MSRA: variants seen among roughly 807,000 people sequenced by gnomAD.
MSRA encodes mitochondrial peptide methionine sulfoxide reductase.
A neutral mutation model predicts 31.3 loss-of-function variants in MSRA; 54 were observed. That is an observed-to-expected ratio of 1.73 (90% CI 1.39 to 2.17). MSRA has a LOEUF of 2.17. MSRA is among the 30% of genes most tolerant of loss of function. The pLI is 0.00. For synonymous variants in MSRA, 169 were observed against 116.5 expected, an observed-to-expected ratio of 1.45 and a Z score of -2.90; for missense variants, 507 against 300.9, an observed-to-expected ratio of 1.69 and a Z score of -5.07.
At chr8:10,312,009 T>G (rs763442807) in intron 4 of MSRA, among the ~76,000 whole-genome samples, 1 of 152,202 alleles carries the variant, frequency 6.6e-6, no homozygotes, top group Non-Finnish European at 1.5e-5. Context: ...AAATACTGTA[T>G]GTTAAAATCG....
intron 5 of MSRA, among the ~76,000 whole-genome samples, chr8:10,365,334 T>G (rs926751035): frequency 6.6e-6 from 1 of 152,106 alleles, no homozygotes; most frequent in African/African-American, 2.4e-5. Context: ...ACTTCCAACA[T>G]ACCATACCAG....
At chr8:10,203,257 A>G (rs1335078192) in intron 1 of MSRA, among the ~76,000 whole-genome samples, 1 of 152,142 alleles carries the variant, frequency 6.6e-6, no homozygotes, top group Admixed American at 6.6e-5. Flanking sequence ...GACTAGGTAA[A>G]TGGGAAAGGG....
intron 5 of MSRA, among the ~76,000 whole-genome samples, chr8:10,335,910 A>G (rs1271189646): frequency 6.6e-6 from 1 of 152,182 alleles, no homozygotes; most frequent in Non-Finnish European, 1.5e-5. Context: ...ACTTGAGACC[A>G]CATGATACGT....
chr8:10,237,511 A>G (rs1812046162), intron 2 of MSRA, among the ~76,000 whole-genome samples: 1 of 152,258 alleles, frequency 6.6e-6, no homozygotes, highest in Non-Finnish European at 1.5e-5. Flanking sequence ...ATTTTAAAGG[A>G]TATGTTATGG....
At chr8:10,365,325 C>T (rs1194618188) in intron 5 of MSRA, among the ~76,000 whole-genome samples, 1 of 152,150 alleles carries the variant, frequency 6.6e-6, no homozygotes, top group Non-Finnish European at 1.5e-5. Context: ...CTGCTCTGAA[C>T]TTCCAACATA....
intron 2 of MSRA, among the ~76,000 whole-genome samples, chr8:10,228,652 G>A (rs576830137): frequency 6.6e-5 from 10 of 152,244 alleles, no homozygotes; most frequent in African/African-American, 2.2e-4. Flanking sequence ...AAAGGACGTC[G>A]GCTTTGAATT....
chr8:10,275,820 C>T (rs1799290397), intron 3 of MSRA, among the ~76,000 whole-genome samples: 1 of 152,236 alleles, frequency 6.6e-6, no homozygotes, highest in African/African-American at 2.4e-5. Context: ...GATTCCTCAA[C>T]ATCACACAGA....
At chr8:10,176,933 G>A (rs1806104272) in intron 1 of MSRA, among the ~76,000 whole-genome samples, 1 of 152,140 alleles carries the variant, frequency 6.6e-6, no homozygotes, top group Non-Finnish European at 1.5e-5. Context: ...CTTCCTCTTA[G>A]TACAGAGTCT....
At chr8:10,279,969 C>G (rs1351286275) in intron 3 of MSRA, among the ~76,000 whole-genome samples, 1 of 152,152 alleles carries the variant, frequency 6.6e-6, no homozygotes, top group East Asian at 1.9e-4. Flanking sequence ...TGATATTTTC[C>G]TTTTGGAAAA....
At chr8:10,159,108 C>G (rs959336196) in intron 1 of MSRA, among the ~76,000 whole-genome samples, 2 of 152,176 alleles carry the variant, frequency 1.3e-5, no homozygotes, top group Non-Finnish European at 2.9e-5. Context: ...TGGCAGCAGA[C>G]AGGCCAAGGT....
chr8:10,196,970 A>C (rs541938866), intron 1 of MSRA, among the ~76,000 whole-genome samples: 1 of 152,330 alleles, frequency 6.6e-6, no homozygotes, highest in Non-Finnish European at 1.5e-5. Flanking sequence ...AATATGTTTT[A>C]GACTCAATAG....
At chr8:10,305,797 C>G (rs545218020) in intron 4 of MSRA, among the ~76,000 whole-genome samples, 1 of 152,076 alleles carries the variant, frequency 6.6e-6, no homozygotes, top group East Asian at 1.9e-4. Context: ...AGGTGAGGCC[C>G]GAGACCTGTT....
At chr8:10,311,340 T>A (rs540918596) in intron 4 of MSRA, among the ~76,000 whole-genome samples, 66 of 152,288 alleles carry the variant, frequency 4.3e-4, no homozygotes, top group African/African-American at 1.5e-3. Flanking sequence ...GGATTAGATA[T>A]ATCTTTATTC....
chr8:10,161,510 A>G (rs1804642800), intron 1 of MSRA, among the ~76,000 whole-genome samples: 1 of 152,202 alleles, frequency 6.6e-6, no homozygotes, highest in Non-Finnish European at 1.5e-5. Flanking sequence ...AGAAGAAGGA[A>G]AAAATTAAGT....
At chr8:10,366,010 TC>T (rs1472163743) in intron 5 of MSRA, among the ~76,000 whole-genome samples, 1 of 152,186 alleles carries the variant, frequency 6.6e-6, no homozygotes, top group African/African-American at 2.4e-5. Context: ...CCTGCCTCAT[TC>T]CCCTGCTCCT....
chr8:10,305,750 A>G (rs1801102486), intron 4 of MSRA, among the ~76,000 whole-genome samples: 1 of 152,136 alleles, frequency 6.6e-6, no homozygotes, highest in African/African-American at 2.4e-5. Context: ...CAAAGCTGGT[A>G]AGTGAGAGAT....
chr8:10,159,928 G>C (rs577183422), intron 1 of MSRA, among the ~76,000 whole-genome samples: 2 of 152,254 alleles, frequency 1.3e-5, no homozygotes, highest in African/African-American at 4.8e-5. Context: ...TGTTAAGTTA[G>C]GAAGAAACGA....
chr8:10,368,334 G>GA (rs1364038101), intron 5 of MSRA, among the ~76,000 whole-genome samples: 1 of 152,220 alleles, frequency 6.6e-6, no homozygotes, highest in Non-Finnish European at 1.5e-5. Flanking sequence ...ATTTTAAAAT[G>GA]AAACAAAACA....
At chr8:10,349,313 G>A (rs1563379920) in intron 5 of MSRA, among the ~76,000 whole-genome samples, 1 of 152,174 alleles carries the variant, frequency 6.6e-6, no homozygotes, top group Non-Finnish European at 1.5e-5. Flanking sequence ...TGCTTCCAAT[G>A]CAGTGAACTG....
Sources: allele counts gnomAD v4.1 joint callset (sites outside exome capture counted in the v4.1 genomes callset), GRCh38; gene constraint gnomAD v4.1.1; transcripts MANE v1.5; gene names NCBI Gene and HGNC (gene_info 2026-07-23, HGNC 2026-07-21).